RNASEL: variants seen among roughly 807,000 people sequenced by gnomAD.
The protein encoded by RNASEL is 2-5A-dependent ribonuclease.
Under a neutral mutation model 50.9 loss-of-function variants are expected in RNASEL, and 36 were observed. The observed-to-expected ratio is 0.71, with a 90% CI of 0.54 to 0.93. RNASEL has a LOEUF of 0.93. Ranked by LOEUF, RNASEL falls within the 40% of genes least tolerant of loss-of-function variation. RNASEL has a pLI of 0.00. For synonymous variants in RNASEL, 335 were observed against 335.6 expected, an observed-to-expected ratio of 1.00 and a Z score of 0.02; for missense variants, 860 against 894.5, an observed-to-expected ratio of 0.96 and a Z score of 0.49.
intron 1 of RNASEL, among the ~76,000 whole-genome samples, chr1:182,587,639 A>C (rs923642891): frequency 6.6e-6 from 1 of 151,042 alleles, no homozygotes; most frequent in Non-Finnish European, 1.5e-5. Context: ...AAAGACCATG[A>C]AAATATGCAC....
Position 182,586,103 on chromosome 1 carries a change from C to T in RNASEL, c.704G>A (p.Arg235Lys). The T allele has an allele frequency of 6.2e-7, 1 of 1,614,170 alleles. No homozygotes were observed. Among genetic ancestry groups the T allele is most frequent in the Non-Finnish European group, 8.5e-7 (1 of 1,180,034 alleles). Residue 235 changes from arginine to lysine, a missense_variant, in exon 2 of 7, where the codon AGG becomes AAG. Physicochemically the swap from Arg to Lys is conservative, Grantham distance 26. Coordinates refer to ENST00000367559, the MANE Select transcript of RNASEL (RefSeq NM_021133.4). ...LLDHGADVNV[R>K]GERGKTPLIL... ...CAGGGGAGTCTTCCCTCTTTCTCCC[C>T]TCACATTGACATCAGCCCCATGGTC...
At position 182,586,612 on chromosome 1, in the gene RNASEL, G is replaced by A. The variant is rs113469614; in HGVS notation, c.195C>T (p.Asn65=). 50 of 1,611,812 alleles carry A rather than the reference G, an allele frequency of 3.1e-5. No homozygotes were observed. The African/African-American group carries it at 5.6e-4, about 18-fold the overall frequency. Reference sequence around the variant, plus strand: ...TGTCCTCCCTGCTCATTTGTACTGCGTTATGCAGAGGTGTCCAGCCCCCTT... The same window carrying A: ...TGTCCTCCCTGCTCATTTGTACTGCATTATGCAGAGGTGTCCAGCCCCCTT... ...EEEGGWTPLH[N]AVQMSREDIV... is the part of the protein sequence containing the mutation. The change falls in exon 2 of 7, where the codon AAC becomes AAT. Residue 65 remains asparagine (N), a synonymous_variant. Coordinates refer to ENST00000367559, the MANE Select transcript of RNASEL (RefSeq NM_021133.4).
chr1:182,584,026 C>T (rs925313979), intron 3 of RNASEL, 55 bp downstream of exon 3: 6 of 1,322,284 alleles, frequency 4.5e-6, no homozygotes, highest in Admixed American at 3.4e-5. Context: ...CTGACTACTA[C>T]ATGAAAGAAT....
rs776816111 is a variant in RNASEL at position 182,581,378 on chromosome 1, T to C, written c.1773-21A>G. On this transcript the variant is annotated intron_variant, in intron 4 of 6. Transcript: ENST00000367559. ...AGCGGCTGAAGATGACTAAATGATC[T>C]AAATGATCATGATCATCCCATCCCT... The C allele has an allele frequency of 2.5e-6, 4 of 1,612,542 alleles. No individual in the cohort carries two copies. In the South Asian group the frequency reaches 4.4e-5, roughly 18 times the overall value.
Position 182,575,285 on chromosome 1 carries a change from C to G in RNASEL, c.*107G>C, listed in dbSNP as rs1045244482. The G allele has an allele frequency of 1.8e-6, 2 of 1,091,258 alleles. No homozygotes were observed. Among genetic ancestry groups the G allele is most frequent in the African/African-American group, 3.1e-5 (2 of 64,862 alleles). The allele number at this position is 1,091,258 out of a possible 1,614,324, so 67.6% of individuals were successfully genotyped here. ...AGGGACTGACATATCAGCTATGCAA[C>G]TCATCCCTCACAAGCAACCTGGTGA... On this transcript the variant is annotated 3_prime_UTR_variant, in exon 7 of 7. Coordinates refer to ENST00000367559, the MANE Select transcript of RNASEL (RefSeq NM_021133.4).
rs1558472587 is a variant in RNASEL, at chr1:182,582,151, TTCC to T, written c.1671_1673del (p.Glu558del). On this transcript the variant is annotated inframe_deletion, in exon 4 of 7. Coordinates refer to ENST00000367559, the MANE Select transcript of RNASEL (RefSeq NM_021133.4). ...AGAGACGATGAATGAGGTCCTTAGT[TTCC>T]TCATCTGGAGAAAGTTGAACCACCT... is the stretch of plus-strand genomic sequence containing the variant. The T allele has an allele frequency of 6.2e-7, 1 of 1,614,218 alleles. No homozygotes were observed. Among genetic ancestry groups the T allele is most frequent in the Non-Finnish European group, 8.5e-7 (1 of 1,180,028 alleles).
intron 5 of RNASEL, chr1:182,579,232 C>G: frequency 1.0e-6 from 1 of 984,708 alleles, no homozygotes. Flanking sequence ...ATATTTTAAA[C>G]AAGGTTACTT....
chr1:182,581,861 C>T (rs1355746688), intron 4 of RNASEL, among the ~76,000 whole-genome samples, 192 bp downstream of exon 4: 1 of 151,804 alleles, frequency 6.6e-6, no homozygotes, highest in African/African-American at 2.4e-5. Context: ...CTCTTTTTTT[C>T]CCCTCCTTAT....
At position 182,586,809 on chromosome 1, in the gene RNASEL, C is replaced by A. The variant is rs532064654; in HGVS notation, c.-3G>T. The A allele has an allele frequency of 1.9e-6, 3 of 1,614,070 alleles. No individual in the cohort carries two copies. The East Asian group carries it at 6.7e-5, about 36-fold the overall frequency. ...TTGTTATGATCCCTGCTCTCCATGA[C>A]GGTAAATGCCACCTGCTACCACTTT... On this transcript the variant is annotated 5_prime_UTR_variant, in exon 2 of 7. Transcript: ENST00000367559.
In RNASEL at chr1:182,581,472, T is replaced by G; in HGVS notation, c.1773-115A>C. On this transcript the variant is annotated intron_variant, in intron 4 of 6. Coordinates refer to ENST00000367559, the MANE Select transcript of RNASEL (RefSeq NM_021133.4). ...TTTTTGTGCTTTCTTGGTTTTTCTT[T>G]CTTTTTTTTTTTTTTTTTTTTTTTT... 2.3e-6 allele frequency: 2 copies of G among 868,264 alleles called. 1 individual carries two copies. Among genetic ancestry groups the G allele is most frequent in the Non-Finnish European group, 3.4e-6 (2 of 591,900 alleles). The allele number at this position is 868,264 out of a possible 1,614,324, so 53.8% of individuals were successfully genotyped here. A position where few individuals can be genotyped will look rare whatever the true frequency, so the allele number is the denominator to read the frequency against.
Position 182,575,124 on chromosome 1 carries a change from A to C in RNASEL, c.*268T>G. On this transcript the variant is annotated 3_prime_UTR_variant, in exon 7 of 7. Coordinates refer to ENST00000367559, the MANE Select transcript of RNASEL (RefSeq NM_021133.4). ...GTAACATATGCAGCATTAGGGGTCA[A>C]GGCACTCATTCTTTTGGTGCAATTG... 1.9e-6 allele frequency: 1 copy of C among 518,584 alleles called. No individual in the cohort carries two copies. Among genetic ancestry groups the C allele is most frequent in the Non-Finnish European group, 3.5e-6 (1 of 288,408 alleles). 32.1% of individuals were successfully genotyped at this position (518,584 alleles called of 1,614,324 possible). A position where few individuals can be genotyped will look rare whatever the true frequency, so the allele number is the denominator to read the frequency against.
Position 182,586,177 on chromosome 1 carries a change from G to C in RNASEL, c.630C>G (p.Leu210=). 1 of 1,614,180 alleles carries C rather than the reference G, an allele frequency of 6.2e-7. No homozygotes were observed. Among genetic ancestry groups the C allele is most frequent in the Non-Finnish European group, 8.5e-7 (1 of 1,180,028 alleles). Reference sequence around the variant, plus strand: ...CCACATCACTATCGTCAGAGCTCAGGAGAGCATGGATCAAGGCATTTCTGC... The same window carrying C: ...CCACATCACTATCGTCAGAGCTCAGCAGAGCATGGATCAAGGCATTTCTGC... ...NMGRNALIHA[L]LSSDDSDVEA... The change falls in exon 2 of 7, where the codon CTC becomes CTG. Residue 210 remains leucine (L), a synonymous_variant. Coordinates refer to ENST00000367559, the MANE Select transcript of RNASEL (RefSeq NM_021133.4).
At chr1:182,582,023 C>T (rs200856862) in intron 4 of RNASEL, 30 bp downstream of exon 4, 1 of 1,595,142 alleles carries the variant, frequency 6.3e-7, no homozygotes, top group African/African-American at 1.3e-5. Context: ...ATCCTGGAGG[C>T]CTGTGGCATC....
chr1:182,585,540 T>G lies in RNASEL; in HGVS notation c.1267A>C (p.Ser423Arg). ...ENSHLVTFYG[S>R]ESHRGHLFVC... ...AACAAGTGGCCCCTGTGGCTCTCACTCCCATAGAATGTCACCAAGTGACTG... is the reference window on the plus strand; with the variant it reads ...AACAAGTGGCCCCTGTGGCTCTCACGCCCATAGAATGTCACCAAGTGACTG... The change falls in exon 2 of 7, where the codon AGT becomes CGT. Residue 423 changes from serine (S) to arginine (R), a missense_variant. Ser to Arg is a moderately radical substitution (Grantham distance 110). Coordinates refer to ENST00000367559, the MANE Select transcript of RNASEL (RefSeq NM_021133.4). 2 of 1,614,144 alleles carry G rather than the reference T, an allele frequency of 1.2e-6. No individual in the cohort carries two copies. Among genetic ancestry groups the G allele is most frequent in the African/African-American group, 2.7e-5 (2 of 75,034 alleles).
rs1366369207 is a variant in RNASEL at position 182,582,389 on chromosome 1, G to C, written c.1567-131C>G. The C allele has an allele frequency of 2.4e-5, 25 of 1,051,408 alleles. No individual in the cohort carries two copies. The Admixed American group carries it at 4.7e-4, about 20-fold the overall frequency. 65.1% of individuals were successfully genotyped at this position (1,051,408 alleles called of 1,614,324 possible). On this transcript the variant is annotated intron_variant, in intron 3 of 6. Transcript: ENST00000367559. ...AAGGAATTTGTAGGCTTGTTAGGGAGGGAAGGCACAGATGTGTGCATACAG... is the reference window on the plus strand; with the variant it reads ...AAGGAATTTGTAGGCTTGTTAGGGACGGAAGGCACAGATGTGTGCATACAG...
Position 182,586,458 on chromosome 1 carries a change from C to T in RNASEL, c.349G>A (p.Asp117Asn), listed in dbSNP as rs1260143828. 6.2e-7 allele frequency: 1 copy of T among 1,614,056 alleles called. No homozygotes were observed. Among genetic ancestry groups the T allele is most frequent in the Non-Finnish European group, 8.5e-7 (1 of 1,179,916 alleles). Reference sequence around the variant, plus strand: ...CCATAAAAATCACACTCATTGACATCTGCTCCTTTAGAAAGGAAAAGTTTC... The same window carrying T: ...CCATAAAAATCACACTCATTGACATTTGCTCCTTTAGAAAGGAAAAGTTTC... ...LLKLFLSKGA[D>N]VNECDFYGFT... The change falls in exon 2 of 7, where the codon GAT becomes AAT. Residue 117 changes from aspartate to asparagine, a missense_variant. Physicochemically the swap from Asp to Asn is conservative, Grantham distance 23. Coordinates refer to ENST00000367559, the MANE Select transcript of RNASEL (RefSeq NM_021133.4).
chr1:182,580,363 A>C (rs2102365673), intron 5 of RNASEL, among the ~76,000 whole-genome samples: 1 of 152,348 alleles, frequency 6.6e-6, no homozygotes, highest in African/African-American at 2.4e-5. Context: ...CAGTGAGGGA[A>C]GGAAAGCAAA....
At position 182,586,442 on chromosome 1, in the gene RNASEL, T is replaced by C. The variant is rs201382126; in HGVS notation, c.365A>G (p.Asp122Gly). The change falls in exon 2 of 7, where the codon GAT becomes GGT. Residue 122 changes from aspartate to glycine, a missense_variant. By Grantham distance (94) the Asp-to-Gly change is moderately conservative. Transcript: ENST00000367559. ...LSKGADVNEC[D>G]FYGFTAFMEA... ...CATGAAGGCTGTGAAGCCATAAAAA[T>C]CACACTCATTGACATCTGCTCCTTT... 3.1e-5 allele frequency: 50 copies of C among 1,614,210 alleles called. No individual in the cohort carries two copies. The East Asian group carries it at 1.1e-3, about 35-fold the overall frequency.
chr1:182,579,342 T>C (rs1355396354), intron 5 of RNASEL: 3 of 988,888 alleles, frequency 3.0e-6, no homozygotes, highest in East Asian at 2.3e-4. Flanking sequence ...TACAGAGCCA[T>C]AGATGGCTCT....
Sources: allele counts gnomAD v4.1 joint callset (sites outside exome capture counted in the v4.1 genomes callset), GRCh38; gene constraint gnomAD v4.1.1; transcripts MANE v1.5; gene names NCBI Gene and HGNC (gene_info 2026-07-23, HGNC 2026-07-21).